The following MRPL39 variants were observed in gnomAD, a reference collection of about 807,000 sequenced individuals.
The protein encoded by MRPL39 is large ribosomal subunit protein mL39.
Under a neutral mutation model 44.5 loss-of-function variants are expected in MRPL39, and 35 were observed. The observed-to-expected ratio is 0.79, with a 90% confidence interval of 0.60 to 1.04. The LOEUF (loss-of-function observed/expected upper bound fraction) is 1.04. Ranked by LOEUF, MRPL39 falls within the 50% of genes least tolerant of loss-of-function variation. The pLI, the probability that MRPL39 is intolerant of heterozygous loss-of-function variation, is 0.00. For synonymous variants in MRPL39, 139 were observed against 136.1 expected, an observed-to-expected ratio of 1.02 and a Z score of -0.15; for missense variants, 433 against 413.5, an observed-to-expected ratio of 1.05 and a Z score of -0.41.
chr21:25,599,669 C>G (rs968556097), intron 5 of MRPL39, 130 bp downstream of exon 5: 5 of 740,628 alleles, frequency 6.8e-6, no homozygotes, highest in African/African-American at 5.3e-5. Flanking sequence ...TACATAGATA[C>G]ATAGATAGAT....
intron 4 of MRPL39, among the ~76,000 whole-genome samples, chr21:25,600,395 T>TAA (rs35118180): frequency 0.14 from 10,884 of 78,458 alleles, 1,459 homozygotes; most frequent in African/African-American, 0.31. Flanking sequence ...GACTCCGTCT[T>TAA]AAAAAAAAAA....
intron 8 of MRPL39, among the ~76,000 whole-genome samples, chr21:25,591,079 CAAAAA>C (rs55796940): frequency 1.2e-4 from 15 of 129,152 alleles, no homozygotes; most frequent in Non-Finnish European, 2.3e-4. Flanking sequence ...CTATAGCCCA[CAAAAA>C]AAAAAAAAAA....
chr21:25,592,037 T>G (rs1012227217), intron 8 of MRPL39, among the ~76,000 whole-genome samples: 2 of 152,182 alleles, frequency 1.3e-5, no homozygotes, highest in African/African-American at 4.8e-5. Context: ...CTCCAGAGAA[T>G]TATACTGAGT....
At position 25,603,893 on chromosome 21, in the gene MRPL39, A is replaced by C. The variant is rs148616753; in HGVS notation, c.323T>G (p.Val108Gly). Residue 108 changes from valine (V) to glycine (G), a missense_variant, in exon 3 of 10, where the codon GTG (valine) becomes GGG (glycine). Coordinates refer to ENST00000352957, the MANE Select transcript of MRPL39 (RefSeq NM_017446.4). The stretch of plus-strand genomic sequence containing the variant: ...ATACATGTCCCAAGGCTGTCCATCC[A>C]CCAGAGCCAGAATGGACTTCCTGCA... ...WYCRKSILAL[V>G]DGQPWDMYKP... 2 of 1,612,204 alleles carry C rather than the reference A, an allele frequency of 1.2e-6. No individual in the cohort carries two copies. The highest frequency in any genetic ancestry group is 1.7e-6 in the Non-Finnish European group (2 of 1,179,292).
At chr21:25,593,867 C>A (rs1307034687) in intron 7 of MRPL39, 26 bp downstream of exon 7, 1 of 1,596,568 alleles carries the variant, frequency 6.3e-7, no homozygotes. Flanking sequence ...TCTAACATAG[C>A]AGCCAGTTTT....
chr21:25,607,319 C>A, intron 1 of MRPL39, 84 bp downstream of exon 1: 3 of 1,508,092 alleles, frequency 2.0e-6, no homozygotes, highest in Non-Finnish European at 2.7e-6. Context: ...CCCGCGGGAC[C>A]TCCCCGGCCC....
intron 2 of MRPL39, among the ~76,000 whole-genome samples, chr21:25,605,872 T>C (rs13047797): frequency 0.7 from 106,662 of 152,040 alleles, 38,868 homozygotes; most frequent in Non-Finnish European, 0.82. Flanking sequence ...GGCCAGACCC[T>C]CATCTCTAAA....
rs1199942464 is a variant in MRPL39, at chr21:25,601,384, T to C, written c.504A>G (p.Arg168=). Residue 168 remains arginine, a synonymous_variant, in exon 4 of 10, where the codon AGA becomes AGG. Coordinates refer to ENST00000352957, the MANE Select transcript of MRPL39 (RefSeq NM_017446.4). ...FKDEYMVNLV[R]APEVPVISGA... is the part of the protein sequence containing the mutation. ...ATACACTACCAGGAACTTCTGGAGC[T>C]CTGACCAAATTGACCATATATTCAT... The C allele has an allele frequency of 6.2e-7, 1 of 1,610,536 alleles. No homozygotes were observed. The highest frequency in any genetic ancestry group is 8.5e-7 in the Non-Finnish European group (1 of 1,177,966).
In MRPL39 at chr21:25,603,928, G is replaced by T. The variant is rs374974220; in HGVS notation, c.288C>A (p.Ser96Arg). 1 of 1,604,938 alleles carries T rather than the reference G, an allele frequency of 6.2e-7. No individual in the cohort carries two copies. Among genetic ancestry groups the T allele is most frequent in the African/African-American group, 1.3e-5 (1 of 74,234 alleles). Residue 96 changes from serine to arginine, a missense_variant, in exon 3 of 10, where the codon AGC becomes AGA. By Grantham distance (110) the Ser-to-Arg change is moderately radical. Coordinates refer to ENST00000352957, the MANE Select transcript of MRPL39 (RefSeq NM_017446.4). ...STPYSCAMHL[S>R]EWYCRKSILA... The stretch of plus-strand genomic sequence containing the variant: ...GAATGGACTTCCTGCAATACCACTC[G>T]CTTAAATCTAGAAATTTAAAACAGA...
At chr21:25,585,824 A>G (rs1316820481) in intron 9 of MRPL39, 70 bp from the exon 10 acceptor site, 8 of 1,083,566 alleles carry the variant, frequency 7.4e-6, no homozygotes, top group Non-Finnish European at 1.1e-5. Context: ...CACCATTTTA[A>G]ATCATTCCAC....
chr21:25,599,210 A>C (rs1016560846), intron 5 of MRPL39, among the ~76,000 whole-genome samples: 1 of 152,202 alleles, frequency 6.6e-6, no homozygotes, highest in Non-Finnish European at 1.5e-5. Flanking sequence ...TCCTCATTAC[A>C]AAGGCAAACC....
At chr21:25,599,472 C>T (rs2829825) in intron 5 of MRPL39, among the ~76,000 whole-genome samples, 119,378 of 151,972 alleles carry the variant, frequency 0.79, 47,065 homozygotes, top group Non-Finnish European at 0.82. Context: ...TATTTTATAT[C>T]CTGGGCCTCT....
Position 25,600,395 on chromosome 21 carries a change from T to TAAAAAAA in MRPL39, c.521-536_521-530dup, listed in dbSNP as rs35118180. On this transcript the variant is annotated intron_variant, in intron 4 of 9. Coordinates refer to ENST00000352957, the MANE Select transcript of MRPL39 (RefSeq NM_017446.4). Reference sequence around the variant, plus strand: ...TTGGCAACACAGCGAGACTCCGTCTTAAAAAAAAAAAAAAAAAAAAAATTC... The same window carrying TAAAAAAA: ...TTGGCAACACAGCGAGACTCCGTCTTAAAAAAAAAAAAAAAAAAAAAAAAAAAAATTC... Among the ~76,000 whole-genome samples, 111 of 78,524 alleles carry TAAAAAAA rather than the reference T, an allele frequency of 1.4e-3. 3 individuals are homozygous for TAAAAAAA. The East Asian group carries it at 0.023, about 16-fold the overall frequency. The allele number at this position is 78,524 out of a possible 152,430, so 51.5% of individuals were successfully genotyped here.
At chr21:25,597,500 G>T in intron 5 of MRPL39, 86 bp from the exon 6 acceptor site, 1 of 663,788 alleles carries the variant, frequency 1.5e-6, no homozygotes, top group Non-Finnish European at 2.5e-6. Flanking sequence ...TCTATGCTTA[G>T]TACTGCAAAT....
intron 3 of MRPL39, 139 bp from the exon 4 acceptor site, chr21:25,601,606 G>GT: frequency 2.1e-6 from 1 of 480,088 alleles, no homozygotes; most frequent in Non-Finnish European, 3.4e-6. Flanking sequence ...TGTAGCAACA[G>GT]TTGCCATCAG....
intron 9 of MRPL39, among the ~76,000 whole-genome samples, chr21:25,586,871 C>A (rs569608755): frequency 6.6e-6 from 1 of 152,294 alleles, no homozygotes; most frequent in East Asian, 1.9e-4. Flanking sequence ...CAGAGCCCCA[C>A]ATGTACACCT....
At chr21:25,588,968 AAAAT>A (rs1293690678) in intron 8 of MRPL39, 86 bp from the exon 9 acceptor site, 1 of 1,144,336 alleles carries the variant, frequency 8.7e-7, no homozygotes, top group Non-Finnish European at 1.3e-6. Flanking sequence ...CTTTTAGAAC[AAAAT>A]AAATAAAAAG....
At chr21:25,594,341 C>G (rs899677095) in intron 6 of MRPL39, among the ~76,000 whole-genome samples, 4 of 146,180 alleles carry the variant, frequency 2.7e-5, no homozygotes, top group Admixed American at 2.1e-4. Flanking sequence ...CAGTCTCAAA[C>G]TTCGGGCTCA....
At chr21:25,596,353 C>T (rs536893495) in intron 6 of MRPL39, among the ~76,000 whole-genome samples, 11 of 152,342 alleles carry the variant, frequency 7.2e-5, no homozygotes, top group African/African-American at 2.6e-4. Flanking sequence ...CCGCCTCGGC[C>T]TCCCAAAGTG....
Sources: gnomAD v4.1 joint callset for allele counts (sites outside exome capture counted in the v4.1 genomes callset) on GRCh38, gnomAD v4.1.1 for gene constraint, MANE v1.5 for transcripts, NCBI Gene and HGNC (gene_info 2026-07-23, HGNC 2026-07-21) for gene names.